TNS1: variants seen among roughly 807,000 people sequenced by gnomAD.
TNS1 encodes the protein tensin 1.
A neutral mutation model predicts 168.6 loss-of-function variants in TNS1; 62 were observed. The observed-to-expected ratio is 0.37, with a 90% confidence interval of 0.30 to 0.45. The LOEUF (loss-of-function observed/expected upper bound fraction) is 0.45, where lower values mean the gene tolerates loss of function less well. Among genes scored for constraint, TNS1 ranks in the 20% least tolerant of loss-of-function variants. The pLI, the probability that TNS1 is intolerant of heterozygous loss-of-function variation, is 1.00. For missense variants in TNS1, 2,240 were observed against 2,339.4 expected (o/e 0.96, Z 0.88); for synonymous variants, 934 against 933.2 (o/e 1.00, Z -0.02).
intron 4 of TNS1, among the ~76,000 whole-genome samples, chr2:217,917,457 C>T (rs560920173): frequency 1.3e-4 from 20 of 152,102 alleles, no homozygotes; most frequent in Admixed American, 4.6e-4. Flanking sequence ...TGTATCGGGG[C>T]GATGCATGCT....
intron 23 of TNS1, among the ~76,000 whole-genome samples, chr2:217,821,116 T>C (rs901029332): frequency 1.3e-5 from 2 of 152,176 alleles, no homozygotes; most frequent in African/African-American, 4.8e-5. Flanking sequence ...CCCCTTGTTC[T>C]GAGCTCCAAG....
At position 217,847,598 on chromosome 2, in the gene TNS1, G is replaced by A; in HGVS notation, c.2919C>T (p.Leu973=). ...SLPGLTAQPL[L]SPKEATSDPS... is the part of the protein sequence containing the mutation. ...GGTCTGAAGTCGCTTCCTTTGGTGAGAGCAGAGGCTGAGCAGTGAGGCCAG... is the reference window on the plus strand; with the variant it reads ...GGTCTGAAGTCGCTTCCTTTGGTGAAAGCAGAGGCTGAGCAGTGAGGCCAG... The change falls in exon 19 of 33, where the codon CTC becomes CTT. Residue 973 remains leucine (L), a synonymous_variant. Coordinates refer to ENST00000682258, the MANE Select transcript of TNS1 (RefSeq NM_001387777.1). 6.4e-7 allele frequency: 1 copy of A among 1,551,260 alleles called. No homozygotes were observed. Among genetic ancestry groups the A allele is most frequent in the Non-Finnish European group, 8.8e-7 (1 of 1,140,492 alleles).
chr2:217,888,482 A>G (rs1047052181), intron 12 of TNS1, among the ~76,000 whole-genome samples: 10 of 152,190 alleles, frequency 6.6e-5, no homozygotes, highest in Non-Finnish European at 1.3e-4. Context: ...CTATGCAAGC[A>G]TATGTTGAAC....
Position 217,817,767 on chromosome 2 carries a change from C to A in TNS1, c.4565G>T (p.Gly1522Val). 1.2e-6 allele frequency: 2 copies of A among 1,613,734 alleles called. No individual in the cohort carries two copies. Among genetic ancestry groups the A allele is most frequent in the Middle Eastern group, 1.6e-4 (1 of 6,062 alleles). ...GCTGCCCCCACTGGGACTGGACATG[C>A]CGCTGGCGACAGGCGAAGACACCTT... Reference protein sequence around the residue: ...NGKVSSPVASGMSSPSGGSTV... With the variant: ...NGKVSSPVASVMSSPSGGSTV... Residue 1522 changes from glycine to valine, a missense_variant, in exon 24 of 33, where the codon GGC (glycine) becomes GTC (valine). Physicochemically the swap from Gly to Val is moderately radical, Grantham distance 109 (BLOSUM62 -3). Around this residue, in one of 2 missense-constraint regions of TNS1, gnomAD observed 2,131 missense variants for 2,171.2 expected, o/e 0.98. Transcript: ENST00000682258.
At chr2:217,993,562 G>A (rs908048194) in intron 1 of TNS1, among the ~76,000 whole-genome samples, 2 of 152,178 alleles carry the variant, frequency 1.3e-5, no homozygotes, top group African/African-American at 4.8e-5. Context: ...CACATTAAAC[G>A]TCTTGGAATC....
chr2:217,953,145 G>A (rs1406446311), intron 3 of TNS1, among the ~76,000 whole-genome samples: 1 of 151,978 alleles, frequency 6.6e-6, no homozygotes, highest in Non-Finnish European at 1.5e-5. Flanking sequence ...GAGCAGCTCG[G>A]GCCCCTGGGG....
intron 32 of TNS1, among the ~76,000 whole-genome samples, chr2:217,807,028 A>G (rs567491115): frequency 2.0e-5 from 3 of 152,370 alleles, no homozygotes; most frequent in Admixed American, 1.3e-4. Context: ...GTTCTCCTGC[A>G]TGAGCTCCCC....
upstream of TNS1, among the ~76,000 whole-genome samples, chr2:218,004,716 T>C (rs2105988527): frequency 6.6e-6 from 1 of 152,282 alleles, no homozygotes; most frequent in Non-Finnish European, 1.5e-5. Flanking sequence ...TTTGTTCCGG[T>C]AGAGGAGTCA....
chr2:217,894,320 C>T (rs1559316052), intron 9 of TNS1, among the ~76,000 whole-genome samples: 1 of 152,156 alleles, frequency 6.6e-6, no homozygotes, highest in East Asian at 1.9e-4. Context: ...GAGCAGATGC[C>T]CATGGCAAAG....
At chr2:217,807,747 C>A (rs1939447121) in intron 32 of TNS1, among the ~76,000 whole-genome samples, 1 of 152,224 alleles carries the variant, frequency 6.6e-6, no homozygotes, top group Non-Finnish European at 1.5e-5. Context: ...AGAATTGGGG[C>A]AGAAAAGATC....
At chr2:217,806,774 T>A (rs1939193857) in intron 32 of TNS1, among the ~76,000 whole-genome samples, 1 of 152,212 alleles carries the variant, frequency 6.6e-6, no homozygotes, top group Non-Finnish European at 1.5e-5. Context: ...CTCACTAGCC[T>A]CCTCCTGCCT....
At chr2:217,894,341 G>GC (rs1952045975) in intron 9 of TNS1, among the ~76,000 whole-genome samples, 1 of 152,130 alleles carries the variant, frequency 6.6e-6, no homozygotes, top group African/African-American at 2.4e-5. Context: ...CCCACACACA[G>GC]CCCCCGAGCA....
At chr2:217,838,227 G>A (rs979278938) in intron 19 of TNS1, among the ~76,000 whole-genome samples, 1 of 152,140 alleles carries the variant, frequency 6.6e-6, no homozygotes, top group African/African-American at 2.4e-5. Flanking sequence ...GGGATCTGAC[G>A]TTTGCCATTA....
intron 22 of TNS1, among the ~76,000 whole-genome samples, chr2:217,822,513 C>A (rs1943025874): frequency 6.6e-6 from 1 of 152,210 alleles, no homozygotes; most frequent in Non-Finnish European, 1.5e-5. Context: ...CACACCCACC[C>A]CTCTCTGCCT....
At position 217,880,948 on chromosome 2, in the gene TNS1, C is replaced by T. The variant is rs770708101; in HGVS notation, c.1379G>A (p.Arg460His). ...ACTGAAGTTGTCGTAGGAGTCCCAG[C>T]GGATGAGGGGGTCGGAGGTGTTATA... ...VDYNTSDPLIRWDSYDNFSGH... is the reference protein window; with the variant it reads ...VDYNTSDPLIHWDSYDNFSGH... Residue 460 changes from arginine (R) to histidine (H), a missense_variant, in exon 18 of 33, where the codon CGC (arginine) becomes CAC (histidine). Transcript: ENST00000682258. This position sits in a 1 kb window ranked among gnomAD's most constrained non-coding sequence, Gnocchi z 4.2. The T allele has an allele frequency of 4.3e-6, 7 of 1,613,972 alleles. No homozygotes were observed. The highest frequency in any genetic ancestry group is 1.3e-5 in the African/African-American group (1 of 74,892).
intron 18 of TNS1, among the ~76,000 whole-genome samples, chr2:217,862,154 C>T (rs1948838395): frequency 6.6e-6 from 1 of 152,152 alleles, no homozygotes; most frequent in Non-Finnish European, 1.5e-5. Flanking sequence ...GAAGGACGGG[C>T]ACAACCTCAG....
chr2:217,886,743 A>T, intron 12 of TNS1, 97 bp from the exon 13 acceptor site: 1 of 921,780 alleles, frequency 1.1e-6, no homozygotes, highest in Non-Finnish European at 1.7e-6. Context: ...TAGACCACTC[A>T]CCTACTCTAC....
rs1314130457 is a variant in TNS1 at position 217,808,081 on chromosome 2, G to A, written c.5369C>T (p.Pro1790Leu). 6.2e-7 allele frequency: 1 copy of A among 1,613,218 alleles called. No individual in the cohort carries two copies. The highest frequency in any genetic ancestry group is 1.1e-5 in the South Asian group (1 of 90,966). Residue 1790 changes from proline (P) to leucine (L), a missense_variant, in exon 32 of 33, where the codon CCT (proline) becomes CTT (leucine). Physicochemically the swap from Pro to Leu is moderately conservative, Grantham distance 98 (BLOSUM62 -3). Around this residue, in one of 2 missense-constraint regions of TNS1, gnomAD observed 109 missense variants for 168.1 expected, o/e 0.65. Transcript: ENST00000682258. The part of the protein sequence containing the change: ...RKWMKTEGGA[P>L]AKLFGFVARK... ...GGTAAGAAGTCACACTTACTTAGCA[G>A]GGGCACCACCCTCTGTTTTCATCCA...
chr2:217,925,657 A>G (rs759461474), intron 3 of TNS1, among the ~76,000 whole-genome samples: 1 of 152,250 alleles, frequency 6.6e-6, no homozygotes, highest in Non-Finnish European at 1.5e-5. Flanking sequence ...TGCACATAAC[A>G]TAACACTTAC....
Sources: allele counts gnomAD v4.1 joint callset (sites outside exome capture counted in the v4.1 genomes callset), GRCh38; gene constraint gnomAD v4.1.1; regional missense constraint gnomAD v4.1.1; non-coding constraint Gnocchi (gnomAD v3.1); transcripts MANE v1.5; gene names NCBI Gene and HGNC (gene_info 2026-07-23, HGNC 2026-07-21).